Variants in ADRA1B observed in about 807,000 individuals in gnomAD.
The protein encoded by ADRA1B is alpha-1B adrenergic receptor.
In ADRA1B, 17 loss-of-function variants were observed where a neutral mutation model predicts 17.9. That is an observed-to-expected ratio of 0.95 (90% CI 0.65 to 1.42). ADRA1B has a LOEUF of 1.42. Among genes scored for constraint, ADRA1B ranks in the 40% most tolerant of loss-of-function variants. ADRA1B has a pLI of 0.00. For missense variants in ADRA1B, 681 were observed against 722.1 expected (o/e 0.94, Z 0.65); for synonymous variants, 366 against 327.6 (o/e 1.12, Z -1.27).
upstream of ADRA1B, among the ~76,000 whole-genome samples, chr5:159,912,087 A>C (rs1754232035): frequency 6.6e-6 from 1 of 152,210 alleles, no homozygotes; most frequent in African/African-American, 2.4e-5. Flanking sequence ...AACGCCTGGC[A>C]CCTAGTAAGT....
chr5:159,950,427 A>G, intron 1 of ADRA1B: 4 of 782,796 alleles, frequency 5.1e-6, no homozygotes, highest in South Asian at 2.8e-5. Context: ...TGTGGCAGGG[A>G]CTCCCCATCA....
At chr5:159,915,823 G>C (rs900104635), upstream of ADRA1B, among the ~76,000 whole-genome samples, 1 of 152,106 alleles carries the variant, frequency 6.6e-6, no homozygotes, top group African/African-American at 2.4e-5. Context: ...TTAGTATACT[G>C]TCTGTCTTCT....
At chr5:159,889,973 A>C (rs1030654497) in intron 1 of ADRA1B, among the ~76,000 whole-genome samples, 1 of 152,212 alleles carries the variant, frequency 6.6e-6, no homozygotes, top group Non-Finnish European at 1.5e-5. Flanking sequence ...GAAATGAACA[A>C]TGGCAGATAA....
intron 1 of ADRA1B, chr5:159,947,659 G>T (rs1029936195): frequency 3.1e-6 from 3 of 964,308 alleles, no homozygotes; most frequent in Admixed American, 6.2e-5. Flanking sequence ...AATGAAATGG[G>T]GGACCTGGCT....
chr5:159,929,072 A>C lies in ADRA1B; in HGVS notation c.949+11218A>C, dbSNP rs192816248. Reference sequence around the variant, plus strand: ...GTTCCTTGGCTCCATTGTTTCGCGGACCCCTTTGGCAATCTGATGAAGCCC... The same window carrying C: ...GTTCCTTGGCTCCATTGTTTCGCGGCCCCCTTTGGCAATCTGATGAAGCCC... On this transcript the variant is annotated intron_variant, in intron 1 of 1. Transcript: ENST00000306675. 1.3e-4 allele frequency: 20 copies of C among 152,180 alleles called. No homozygotes were observed. In the East Asian group the frequency reaches 3.9e-3, roughly 29 times the overall value. The allele number at this position is 152,180 out of a possible 1,614,324, so 9.4% of individuals were successfully genotyped here.
intron 1 of ADRA1B, among the ~76,000 whole-genome samples, chr5:159,876,574 G>C (rs1053821993): frequency 6.6e-6 from 1 of 152,194 alleles, no homozygotes; most frequent in South Asian, 2.1e-4. Context: ...TCATTCCCTA[G>C]ATTCAGCAGA....
rs984942715 is a variant in ADRA1B at position 159,956,705 on chromosome 5, A to G, written c.950-15174A>G. Reference sequence around the variant, plus strand: ...TTTCTGAATGTCAAATACTTAGATCAAAAGCCATGCTCATTTTAATTTTAT... The same window carrying G: ...TTTCTGAATGTCAAATACTTAGATCGAAAGCCATGCTCATTTTAATTTTAT... On this transcript the variant is annotated intron_variant, in intron 1 of 1. Coordinates refer to ENST00000306675, the MANE Select transcript of ADRA1B (RefSeq NM_000679.4). Among the ~76,000 whole-genome samples the G allele has an allele frequency of 5.9e-5, 9 of 152,202 alleles. No individual in the cohort carries two copies. The East Asian group carries it at 1.7e-3, about 29-fold the overall frequency.
Position 159,916,929 on chromosome 5 carries a change from C to T in ADRA1B, c.24C>T (p.Gly8=). The change falls in exon 1 of 2, where the codon GGC becomes GGT. Residue 8 remains glycine (G), a synonymous_variant. Coordinates refer to ENST00000306675, the MANE Select transcript of ADRA1B (RefSeq NM_000679.4). ...AGATGAATCCCGACCTGGACACCGG[C>T]CACAACACATCAGCACCTGCCCACT... MNPDLDT[G]HNTSAPAHWG... 2 of 1,613,184 alleles carry T rather than the reference C, an allele frequency of 1.2e-6. No homozygotes were observed. The highest frequency in any genetic ancestry group is 1.7e-6 in the Non-Finnish European group (2 of 1,179,518).
At chr5:159,895,261 C>T (rs961467465) in intron 1 of ADRA1B, among the ~76,000 whole-genome samples, 28 of 152,214 alleles carry the variant, frequency 1.8e-4, no homozygotes, top group Admixed American at 1.0e-3. Flanking sequence ...GGACCCATTT[C>T]GCCAGCTTAC....
At chr5:159,927,489 T>G (rs922405930) in intron 1 of ADRA1B, among the ~76,000 whole-genome samples, 4 of 151,920 alleles carry the variant, frequency 2.6e-5, no homozygotes, top group Admixed American at 2.0e-4. Context: ...GTAACTTTGA[T>G]TTCTTTAATA....
chr5:159,878,600 T>C (rs1350096870), intron 1 of ADRA1B, among the ~76,000 whole-genome samples: 1 of 152,160 alleles, frequency 6.6e-6, no homozygotes, highest in Non-Finnish European at 1.5e-5. Context: ...TCTTTAATCC[T>C]TACCATGATT....
intron 1 of ADRA1B, chr5:159,950,686 C>T: frequency 4.2e-6 from 3 of 721,866 alleles, no homozygotes; most frequent in Non-Finnish European, 7.8e-6. Flanking sequence ...GCCCCAGATG[C>T]CCTTGGGGGG....
At chr5:159,965,198 G>A (rs1755751587) in intron 1 of ADRA1B, among the ~76,000 whole-genome samples, 1 of 152,172 alleles carries the variant, frequency 6.6e-6, no homozygotes, top group South Asian at 2.1e-4. Flanking sequence ...GTGACCTTGA[G>A]TGAGTCACTC....
At chr5:159,876,151 T>G (rs1397445550) in intron 1 of ADRA1B, among the ~76,000 whole-genome samples, 1 of 152,208 alleles carries the variant, frequency 6.6e-6, no homozygotes, top group Non-Finnish European at 1.5e-5. Flanking sequence ...ATCACGCCAC[T>G]GCACCCCAGC....
chr5:159,872,484 C>A (rs1753756513), intron 1 of ADRA1B, among the ~76,000 whole-genome samples: 2 of 152,146 alleles, frequency 1.3e-5, no homozygotes, highest in African/African-American at 4.8e-5. Context: ...CCTGGACCAG[C>A]AAACTATTAT....
At chr5:159,867,936 C>A (rs1286109825) in intron 1 of ADRA1B, 3 of 151,646 alleles carry the variant, frequency 2.0e-5, no homozygotes, top group Non-Finnish European at 4.4e-5. Context: ...TGTCTATAAG[C>A]AACAGAAAAA....
rs1241235872 is a variant in ADRA1B at position 159,943,939 on chromosome 5, CAA to C, written c.949+26087_949+26088del. On this transcript the variant is annotated intron_variant, in intron 1 of 1. Coordinates refer to ENST00000306675, the MANE Select transcript of ADRA1B (RefSeq NM_000679.4). The stretch of plus-strand genomic sequence containing the variant: ...ACACACACACACACACACACACACA[CAA>C]ACACACACACACACACATTCTCACT... Among the ~76,000 whole-genome samples, 9 of 146,794 alleles carry C rather than the reference CAA, an allele frequency of 6.1e-5. No homozygotes were observed. The East Asian group carries it at 1.0e-3, about 17-fold the overall frequency.
intron 1 of ADRA1B, among the ~76,000 whole-genome samples, chr5:159,891,720 A>C (rs941847322): frequency 1.3e-5 from 2 of 152,184 alleles, no homozygotes; most frequent in Non-Finnish European, 2.9e-5. Flanking sequence ...TCAGGTCTTC[A>C]GCTGTAGGCC....
chr5:159,885,539 A>C (rs978431662), intron 1 of ADRA1B, among the ~76,000 whole-genome samples: 1 of 152,242 alleles, frequency 6.6e-6, no homozygotes, highest in Non-Finnish European at 1.5e-5. Flanking sequence ...TCTGGACACT[A>C]ACACTAACAC....
Sources: gnomAD v4.1 joint callset for allele counts (sites outside exome capture counted in the v4.1 genomes callset) on GRCh38, gnomAD v4.1.1 for gene constraint, MANE v1.5 for transcripts, NCBI Gene and HGNC (gene_info 2026-07-23, HGNC 2026-07-21) for gene names.